ARFGEF2: variants seen among roughly 807,000 people sequenced by gnomAD.
The protein encoded by ARFGEF2 is brefeldin A-inhibited guanine nucleotide-exchange protein 2.
Under a neutral mutation model 219.9 loss-of-function variants are expected in ARFGEF2, and 74 were observed. The observed-to-expected ratio is 0.34, with a 90% confidence interval of 0.28 to 0.41. The LOEUF (loss-of-function observed/expected upper bound fraction) is 0.41. Among genes scored for constraint, ARFGEF2 ranks in the 10% least tolerant of loss-of-function variants. The probability of loss-of-function intolerance (pLI) is 1.00; values close to 1 mark genes in which losing one functional copy is unlikely to be tolerated. For missense variants in ARFGEF2, 1,743 were observed against 2,218.3 expected (o/e 0.79, Z 4.30); for synonymous variants, 733 against 799.2 (o/e 0.92, Z 1.40).
At chr20:49,008,153 C>T (rs542421920) in intron 26 of ARFGEF2, among the ~76,000 whole-genome samples, 82 of 152,178 alleles carry the variant, frequency 5.4e-4, no homozygotes, top group African/African-American at 1.9e-3. Context: ...TATAGTAAAG[C>T]GTTATATGTC....
At position 48,988,684 on chromosome 20, in the gene ARFGEF2, T is replaced by C. The variant is rs745910546; in HGVS notation, c.2533+22T>C. On this transcript the variant is annotated intron_variant, in intron 18 of 38. Transcript: ENST00000371917. The stretch of plus-strand genomic sequence containing the variant: ...CAGAGTAAGGTCTAATGGCAAATTA[T>C]TTCTTTTAGTTCTAATTTTTTAGTG... 6.2e-6 allele frequency: 10 copies of C among 1,607,716 alleles called. No homozygotes were observed. In the Admixed American group the frequency reaches 1.7e-4, roughly 27 times the overall value.
At chr20:48,941,174 G>T (rs368083068) in intron 1 of ARFGEF2, 25 bp from the exon 2 acceptor site, 7 of 1,608,902 alleles carry the variant, frequency 4.4e-6, no homozygotes, top group African/African-American at 1.3e-5. Context: ...TTTTCCTAAT[G>T]TGTTTTTTCT....
At chr20:48,999,760 A>AT (rs1568730161) in intron 25 of ARFGEF2, among the ~76,000 whole-genome samples, 1 of 151,368 alleles carries the variant, frequency 6.6e-6, no homozygotes, top group African/African-American at 2.4e-5. Flanking sequence ...AAAAAAAAAA[A>AT]AAAAAAAAGA....
chr20:48,955,471 C>A (rs1280835390), intron 6 of ARFGEF2, among the ~76,000 whole-genome samples: 1 of 152,196 alleles, frequency 6.6e-6, no homozygotes, highest in Non-Finnish European at 1.5e-5. Flanking sequence ...GCCCTGCTCA[C>A]CACCATATTC....
At chr20:49,008,944 G>A (rs2091479814) in intron 26 of ARFGEF2, among the ~76,000 whole-genome samples, 1 of 152,298 alleles carries the variant, frequency 6.6e-6, no homozygotes, top group Admixed American at 6.5e-5. Flanking sequence ...CTGACCTCAA[G>A]TGATCCACCT....
At chr20:48,963,483 C>T (rs578043620) in intron 6 of ARFGEF2, among the ~76,000 whole-genome samples, 2 of 152,324 alleles carry the variant, frequency 1.3e-5, no homozygotes, top group Admixed American at 6.5e-5. Flanking sequence ...TCCATTTGTT[C>T]TGCCAGGAAC....
chr20:48,968,463 C>T (rs1322414150), intron 8 of ARFGEF2, among the ~76,000 whole-genome samples: 4 of 151,720 alleles, frequency 2.6e-5, no homozygotes, highest in South Asian at 4.2e-4. Flanking sequence ...AGTGCAGTGC[C>T]GCGATCTCGG....
At chr20:48,987,319 T>C (rs1032655125) in intron 16 of ARFGEF2, among the ~76,000 whole-genome samples, 5 of 152,266 alleles carry the variant, frequency 3.3e-5, no homozygotes, top group Admixed American at 2.6e-4. Flanking sequence ...GTTCCTGTTA[T>C]GGACAGTTTG....
intron 26 of ARFGEF2, among the ~76,000 whole-genome samples, chr20:49,005,634 A>C (rs2091453257): frequency 6.9e-6 from 1 of 145,948 alleles, no homozygotes; most frequent in Non-Finnish European, 1.5e-5. Flanking sequence ...GCTACTTGGG[A>C]GGCTGAGGCA....
At chr20:48,986,713 T>G (rs2091328390) in intron 16 of ARFGEF2, among the ~76,000 whole-genome samples, 1 of 152,130 alleles carries the variant, frequency 6.6e-6, no homozygotes, top group South Asian at 2.1e-4. Context: ...GAAACTATTT[T>G]TTTTGAGACA....
At chr20:48,975,188 T>C (rs1450814993) in intron 13 of ARFGEF2, among the ~76,000 whole-genome samples, 1 of 152,174 alleles carries the variant, frequency 6.6e-6, no homozygotes, top group East Asian at 1.9e-4. Flanking sequence ...TTCTGGAGTT[T>C]TAATTTTTTT....
At chr20:48,998,066 G>A (rs2091402948) in intron 23 of ARFGEF2, 127 bp from the exon 24 acceptor site, 2 of 809,694 alleles carry the variant, frequency 2.5e-6, no homozygotes, top group Non-Finnish European at 4.2e-6. Context: ...CACCATGTTG[G>A]CCAGGCTGGT....
At chr20:48,956,434 C>T (rs1377230649) in intron 6 of ARFGEF2, among the ~76,000 whole-genome samples, 3 of 151,582 alleles carry the variant, frequency 2.0e-5, no homozygotes, top group East Asian at 2.0e-4. Context: ...CCAAGGCAGG[C>T]GGGCCACTTG....
chr20:49,019,699 A>G (rs935149774), intron 34 of ARFGEF2, among the ~76,000 whole-genome samples: 10 of 152,230 alleles, frequency 6.6e-5, no homozygotes, highest in Non-Finnish European at 1.5e-4. Flanking sequence ...ATGAAATACA[A>G]CTTTGGACTA....
chr20:49,000,701 C>T (rs2091419898), intron 25 of ARFGEF2, among the ~76,000 whole-genome samples: 1 of 152,192 alleles, frequency 6.6e-6, no homozygotes, highest in African/African-American at 2.4e-5. Context: ...TCATTTATTC[C>T]ACAAGATCAT....
At chr20:48,996,556 G>T (rs1248261938) in intron 23 of ARFGEF2, among the ~76,000 whole-genome samples, 1 of 151,674 alleles carries the variant, frequency 6.6e-6, no homozygotes, top group Non-Finnish European at 1.5e-5. Flanking sequence ...GGCCAACATG[G>T]TGAAACCATG....
chr20:49,023,082 G>A lies in ARFGEF2; in HGVS notation c.4656G>A (p.Lys1552=). The A allele has an allele frequency of 6.2e-7, 1 of 1,614,214 alleles. No individual in the cohort carries two copies. The change falls in exon 35 of 39, where the codon AAG becomes AAA. Residue 1552 remains lysine, a synonymous_variant. Transcript: ENST00000371917. Reference sequence around the variant, plus strand: ...AACTGTTTGCCAGCCTCCTCATCAAGTGTGTGGTCCAGTTGGAATTGATAC... The same window carrying A: ...AACTGTTTGCCAGCCTCCTCATCAAATGTGTGGTCCAGTTGGAATTGATAC... ...NQKLFASLLI[K]CVVQLELIQT... is the part of the protein sequence containing the mutation.
At chr20:48,935,870 G>T in intron 1 of ARFGEF2, among the ~76,000 whole-genome samples, 1 of 124,878 alleles carries the variant, frequency 8.0e-6, no homozygotes, top group South Asian at 2.5e-4. Flanking sequence ...GGGCAGAGGA[G>T]CTCCTTACTT....
chr20:48,951,231 G>A (rs1341619004), intron 3 of ARFGEF2, 92 bp from the exon 4 acceptor site: 7 of 1,482,872 alleles, frequency 4.7e-6, no homozygotes, highest in Non-Finnish European at 2.8e-6. Flanking sequence ...GTAGGAACTG[G>A]AAGTGCCTGT....
Sources: gnomAD v4.1 joint callset for allele counts (sites outside exome capture counted in the v4.1 genomes callset) on GRCh38, gnomAD v4.1.1 for gene constraint, MANE v1.5 for transcripts, NCBI Gene and HGNC (gene_info 2026-07-23, HGNC 2026-07-21) for gene names.